LRRC37A2: variants seen among roughly 807,000 people sequenced by gnomAD.
The protein encoded by LRRC37A2 is leucine rich repeat containing 37 member A2.
A neutral mutation model predicts 68.8 loss-of-function variants in LRRC37A2; 9 were observed. The observed-to-expected ratio is 0.13, with a 90% CI of 0.08 to 0.23. The LOEUF is 0.23. Ranked by LOEUF, LRRC37A2 falls within the 10% of genes least tolerant of loss-of-function variation. The pLI, the probability that LRRC37A2 is intolerant of heterozygous loss-of-function variation, is 1.00. For synonymous variants in LRRC37A2, 63 were observed against 367.6 expected, an observed-to-expected ratio of 0.17 and a Z score of 9.48; for missense variants, 168 against 950.4, an observed-to-expected ratio of 0.18 and a Z score of 10.82.
the LRRC37A2 span, chr17:46,978,588 C>G: frequency 2.0e-6 from 3 of 1,529,470 alleles, no homozygotes; most frequent in Admixed American, 6.2e-5. Context: ...GGGCGAGGGT[C>G]CGGGTCTCCG....
At chr17:46,773,138 C>T in the LRRC37A2 span, among the ~76,000 whole-genome samples, 1 of 152,162 alleles carries the variant, frequency 6.6e-6, no homozygotes, top group Non-Finnish European at 1.5e-5. Context: ...CGGAAAGTTA[C>T]CCAGAGGCCA....
chr17:47,028,234 G>C, the LRRC37A2 span: 11 of 1,229,502 alleles, frequency 8.9e-6, no homozygotes, highest in South Asian at 1.4e-4. Flanking sequence ...TAAATGTTCT[G>C]AAATAATTAT....
chr17:46,974,236 G>A, the LRRC37A2 span, among the ~76,000 whole-genome samples: 1 of 152,220 alleles, frequency 6.6e-6, no homozygotes, highest in African/African-American at 2.4e-5. Flanking sequence ...TTTCTGGGGC[G>A]CTGGCCAGGG....
At chr17:46,786,988 A>C in the LRRC37A2 span, among the ~76,000 whole-genome samples, 8 of 149,852 alleles carry the variant, frequency 5.3e-5, no homozygotes, top group Non-Finnish European at 1.0e-4. Context: ...CACAGGCTGC[A>C]GTGCAGTGGC....
chr17:46,902,461 CGTGTGT>C, the LRRC37A2 span, among the ~76,000 whole-genome samples: 1 of 148,012 alleles, frequency 6.8e-6, no homozygotes, highest in African/African-American at 2.5e-5. Context: ...GGGAACAGTG[CGTGTGT>C]GTGTGTGTGT....
chr17:46,822,503 G>A, the LRRC37A2 span, among the ~76,000 whole-genome samples: 9 of 152,344 alleles, frequency 5.9e-5, no homozygotes, highest in African/African-American at 1.9e-4. Flanking sequence ...GCGCGGGCGC[G>A]CCCCCTGGCG....
At chr17:46,923,171 C>T in the LRRC37A2 span, 4 of 1,490,488 alleles carry the variant, frequency 2.7e-6, no homozygotes, top group African/African-American at 1.4e-5. Context: ...GAGCCGGAGC[C>T]GTGGCCTGCG....
chr17:46,851,412 G>A, the LRRC37A2 span, among the ~76,000 whole-genome samples: 1 of 151,352 alleles, frequency 6.6e-6, no homozygotes, highest in Non-Finnish European at 1.5e-5. The surrounding 1 kb of genome is among the most constrained non-coding windows in gnomAD (Gnocchi z 4.3). Flanking sequence ...GAGGGGCGGG[G>A]GCGGTCCAGG....
chr17:46,980,381 TTC>T, the LRRC37A2 span, among the ~76,000 whole-genome samples: 7 of 146,106 alleles, frequency 4.8e-5, no homozygotes, highest in African/African-American at 1.4e-4. Flanking sequence ...CTTCTTTCTC[TTC>T]TTTCTTTCTC....
chr17:46,501,311 G>A, the LRRC37A2 span, among the ~76,000 whole-genome samples: 3 of 151,118 alleles, frequency 2.0e-5, no homozygotes, highest in Non-Finnish European at 4.4e-5. Flanking sequence ...GAGTAGCTGG[G>A]ACCACAGGCA....
At chr17:46,863,886 TG>T in the LRRC37A2 span, among the ~76,000 whole-genome samples, 92 of 152,210 alleles carry the variant, frequency 6.0e-4, no homozygotes, top group African/African-American at 2.1e-3. Context: ...TGGACTACTC[TG>T]GGGGTGGATC....
the LRRC37A2 span, chr17:46,885,937 C>T: frequency 2.0e-5 from 3 of 152,268 alleles, no homozygotes; most frequent in Non-Finnish European, 4.4e-5. Context: ...GTGCAGAAGC[C>T]TGAACCTGGA....
the LRRC37A2 span, chr17:46,768,902 TC>T: frequency 6.6e-7 from 1 of 1,505,320 alleles, no homozygotes; most frequent in African/African-American, 1.4e-5. The surrounding 1 kb of genome is among the most constrained non-coding windows in gnomAD (Gnocchi z 5.0). Context: ...TCCAGCCTTC[TC>T]TACTCCTCTG....
the LRRC37A2 span, among the ~76,000 whole-genome samples, chr17:46,766,973 C>A: frequency 3.3e-5 from 5 of 152,184 alleles, no homozygotes; most frequent in African/African-American, 1.2e-4. Context: ...TGAAGAATTT[C>A]TTGCTTGGGT....
At chr17:46,946,264 T>C in the LRRC37A2 span, among the ~76,000 whole-genome samples, 44 of 136,248 alleles carry the variant, frequency 3.2e-4, no homozygotes, top group Admixed American at 7.0e-4. Context: ...GGAGAAACCC[T>C]GTCTCTACTA....
At chr17:46,819,166 C>T in the LRRC37A2 span, among the ~76,000 whole-genome samples, 1 of 152,276 alleles carries the variant, frequency 6.6e-6, no homozygotes, top group Non-Finnish European at 1.5e-5. The surrounding 1 kb of genome is among the most constrained non-coding windows in gnomAD (Gnocchi z 5.3). Context: ...TCGGGCAGGT[C>T]AGGATCAGAG....
the LRRC37A2 span, among the ~76,000 whole-genome samples, chr17:46,895,136 C>T: frequency 2.5e-3 from 388 of 152,342 alleles, 3 homozygotes; most frequent in African/African-American, 7.7e-3. Context: ...TCCCAGCGCC[C>T]GGCTGAGAGG....
At chr17:47,019,358 C>T in the LRRC37A2 span, 11 of 1,610,352 alleles carry the variant, frequency 6.8e-6, no homozygotes, top group East Asian at 2.0e-4. Context: ...AACCTCTGGA[C>T]CTGGAGCTTA....
At chr17:46,708,801 A>ATT in the LRRC37A2 span, among the ~76,000 whole-genome samples, 650 of 41,828 alleles carry the variant, frequency 0.016, no homozygotes, top group Non-Finnish European at 0.023. Flanking sequence ...GCCACCATTT[A>ATT]TTTTATATAT....
Sources: allele counts gnomAD v4.1 joint callset (sites outside exome capture counted in the v4.1 genomes callset), GRCh38; gene constraint gnomAD v4.1.1; non-coding constraint Gnocchi (gnomAD v3.1); transcripts MANE v1.5; gene names NCBI Gene and HGNC (gene_info 2026-07-23, HGNC 2026-07-21).